Variants in HSF2BP observed in about 807,000 individuals in gnomAD.
The protein encoded by HSF2BP is heat shock factor 2-binding protein.
Under a neutral mutation model 35.0 loss-of-function variants are expected in HSF2BP, and 35 were observed. That is an observed-to-expected ratio of 1.00 (90% confidence interval 0.76 to 1.32). The LOEUF (loss-of-function observed/expected upper bound fraction) is 1.32, where lower values mean the gene tolerates loss of function less well. Among genes scored for constraint, HSF2BP ranks in the 40% most tolerant of loss-of-function variants. The probability of loss-of-function intolerance (pLI) is 0.00; values close to 1 mark genes in which losing one functional copy is unlikely to be tolerated. For synonymous variants in HSF2BP, 114 were observed against 117.4 expected (o/e 0.97, Z 0.18); for missense variants, 326 against 321.7 (o/e 1.01, Z -0.10).
intron 8 of HSF2BP, among the ~76,000 whole-genome samples, chr21:43,571,962 G>C (rs1280719338): frequency 6.6e-6 from 1 of 152,112 alleles, no homozygotes; most frequent in East Asian, 1.9e-4. Context: ...CCAAAGCCGA[G>C]GGAACCACCA....
At chr21:43,608,525 G>A (rs1033420631) in intron 7 of HSF2BP, among the ~76,000 whole-genome samples, 7 of 152,180 alleles carry the variant, frequency 4.6e-5, no homozygotes, top group Non-Finnish European at 8.8e-5. Flanking sequence ...CAGCACCTAT[G>A]GAAAGCAGTC....
rs1400531413 is a variant in HSF2BP at position 43,575,281 on chromosome 21, C to T, written c.796+16944G>A. ...TGAGCATGCTCGCCTTTCGAGGTGA[C>T]GCAGCCTCATCCCTTCATGCTGAAA... On this transcript the variant is annotated intron_variant, in intron 8 of 8. Coordinates refer to ENST00000291560, the MANE Select transcript of HSF2BP (RefSeq NM_007031.2). 3.9e-5 allele frequency among the ~76,000 whole-genome samples: 6 copies of T among 152,332 alleles called. No individual in the cohort carries two copies. The East Asian group carries it at 9.6e-4, about 24-fold the overall frequency.
intron 4 of HSF2BP, among the ~76,000 whole-genome samples, chr21:43,635,328 G>C (rs2082537009): frequency 6.6e-6 from 1 of 152,138 alleles, no homozygotes; most frequent in Non-Finnish European, 1.5e-5. Flanking sequence ...GTGATAATCT[G>C]ATTCTAAAAT....
chr21:43,632,932 T>C (rs757761416), intron 5 of HSF2BP, among the ~76,000 whole-genome samples: 1 of 152,176 alleles, frequency 6.6e-6, no homozygotes, highest in Non-Finnish European at 1.5e-5. Flanking sequence ...CATGTATATA[T>C]GTTAGATAAC....
intron 5 of HSF2BP, among the ~76,000 whole-genome samples, chr21:43,631,777 T>C (rs952049156): frequency 1.3e-5 from 2 of 152,126 alleles, no homozygotes; most frequent in Non-Finnish European, 2.9e-5. Flanking sequence ...CCACCCATTT[T>C]CTGCCATTTC....
In HSF2BP at chr21:43,613,869, A is replaced by T. The variant is rs147200741; in HGVS notation, c.653T>A (p.Leu218Gln). ...RVLLDTILQL[L>Q]GDLKPGQCTK... Reference sequence around the variant, plus strand: ...ACACTGTCCTGGCTTCAAGTCTCCCAGAAGCTGCAATATGGTGTCCAAGAG... The same window carrying T: ...ACACTGTCCTGGCTTCAAGTCTCCCTGAAGCTGCAATATGGTGTCCAAGAG... The change falls in exon 7 of 9, where the codon CTG (leucine) becomes CAG (glutamine). Residue 218 changes from leucine to glutamine, a missense_variant. Physicochemically the swap from Leu to Gln is moderately radical, Grantham distance 113. Coordinates refer to ENST00000291560, the MANE Select transcript of HSF2BP (RefSeq NM_007031.2). The T allele has an allele frequency of 1.7e-5, 27 of 1,613,926 alleles. No homozygotes were observed. Among genetic ancestry groups the T allele is most frequent in the Non-Finnish European group, 1.9e-5 (22 of 1,179,864 alleles).
In HSF2BP at chr21:43,573,335, A is replaced by T. The variant is rs17004577; in HGVS notation, c.796+18890T>A. 0.023 allele frequency among the ~76,000 whole-genome samples: 3,454 copies of T among 152,310 alleles called. 236 individuals carry two copies. In the East Asian group the frequency reaches 0.25, roughly 11 times the overall value. On this transcript the variant is annotated intron_variant, in intron 8 of 8. Coordinates refer to ENST00000291560, the MANE Select transcript of HSF2BP (RefSeq NM_007031.2). ...GGCGGGGTGTTCCATTCACAGAGCT[A>T]CAGGGACAGCCTAGAGGAGCCCAAG...
intron 3 of HSF2BP, among the ~76,000 whole-genome samples, chr21:43,649,520 A>G (rs1007710926): frequency 2.0e-5 from 3 of 152,210 alleles, no homozygotes; most frequent in Admixed American, 1.3e-4. Flanking sequence ...GATATTTTCA[A>G]TGACCAAAAC....
At chr21:43,638,537 A>C (rs916723209) in intron 4 of HSF2BP, among the ~76,000 whole-genome samples, 2 of 152,240 alleles carry the variant, frequency 1.3e-5, no homozygotes, top group African/African-American at 4.8e-5. Context: ...ACTCCAAATA[A>C]AATTAAATAC....
chr21:43,608,029 C>A (rs938233882), intron 7 of HSF2BP, among the ~76,000 whole-genome samples: 6 of 152,010 alleles, frequency 3.9e-5, no homozygotes, highest in African/African-American at 1.4e-4. Context: ...TTCTGGATAT[C>A]GGCCTAGGCA....
chr21:43,644,526 C>T (rs1451241149), intron 3 of HSF2BP, 134 bp from the exon 4 acceptor site: 3 of 649,878 alleles, frequency 4.6e-6, no homozygotes, highest in Non-Finnish European at 8.1e-6. Context: ...TTCTTGACTT[C>T]TAGCCTGTCC....
At chr21:43,586,901 A>T (rs376073435) in intron 8 of HSF2BP, among the ~76,000 whole-genome samples, 4 of 152,114 alleles carry the variant, frequency 2.6e-5, no homozygotes, top group African/African-American at 9.7e-5. Context: ...CCTGGGTTCA[A>T]ACAATTCTCC....
chr21:43,650,927 C>G (rs1038439133), intron 3 of HSF2BP, among the ~76,000 whole-genome samples: 1 of 151,978 alleles, frequency 6.6e-6, no homozygotes, highest in Non-Finnish European at 1.5e-5. Context: ...AGTCTGGTCT[C>G]GAACTCCTGA....
At chr21:43,649,058 T>TA (rs200792461) in intron 3 of HSF2BP, among the ~76,000 whole-genome samples, 1 of 152,094 alleles carries the variant, frequency 6.6e-6, no homozygotes, top group Non-Finnish European at 1.5e-5. Context: ...TTTATTTAAT[T>TA]AAAAAAATTT....
chr21:43,629,881 G>GA (rs1443226913), intron 6 of HSF2BP, among the ~76,000 whole-genome samples: 5 of 152,144 alleles, frequency 3.3e-5, no homozygotes, highest in Admixed American at 2.0e-4. Flanking sequence ...TTCTACTGTG[G>GA]AAAAAATGCT....
intron 7 of HSF2BP, among the ~76,000 whole-genome samples, chr21:43,608,315 A>G (rs1281861951): frequency 1.3e-5 from 2 of 152,226 alleles, no homozygotes; most frequent in East Asian, 3.8e-4. Context: ...TTCTTAAAAG[A>G]AAACATATAA....
At chr21:43,644,182 T>C (rs889802127) in intron 4 of HSF2BP, 107 bp downstream of exon 4, 6 of 715,818 alleles carry the variant, frequency 8.4e-6, no homozygotes, top group Admixed American at 5.0e-5. Flanking sequence ...ATACAATTTA[T>C]TGAGGATTAA....
chr21:43,638,678 A>G, intron 4 of HSF2BP, among the ~76,000 whole-genome samples: 1 of 152,252 alleles, frequency 6.6e-6, no homozygotes, highest in East Asian at 1.9e-4. Flanking sequence ...AAATGGAGAG[A>G]CATGCTATGT....
chr21:43,604,978 ACAC>A (rs942645636), intron 7 of HSF2BP, among the ~76,000 whole-genome samples: 1 of 147,294 alleles, frequency 6.8e-6, no homozygotes, highest in East Asian at 2.1e-4. Context: ...CACACCACAC[ACAC>A]ATCACACATC....
Sources: gnomAD v4.1 joint callset for allele counts (sites outside exome capture counted in the v4.1 genomes callset) on GRCh38, gnomAD v4.1.1 for gene constraint, MANE v1.5 for transcripts, NCBI Gene and HGNC (gene_info 2026-07-23, HGNC 2026-07-21) for gene names.